The following MYRF variants were observed in gnomAD, a reference collection of about 807,000 sequenced individuals.
MYRF encodes myelin regulatory factor.
MYRF carries 16 observed loss-of-function variants against 126.3 expected under a neutral mutation model. The ratio of observed to expected loss-of-function variants is 0.13; its 90% confidence interval spans 0.09 to 0.19. The LOEUF (loss-of-function observed/expected upper bound fraction) is 0.19. Among genes scored for constraint, MYRF ranks in the 10% least tolerant of loss-of-function variants. The probability of loss-of-function intolerance (pLI) is 1.00; values close to 1 mark genes in which losing one functional copy is unlikely to be tolerated. For synonymous variants in MYRF, 608 were observed against 635.3 expected (o/e 0.96, Z 0.65); for missense variants, 1,104 against 1,547.0 (o/e 0.71, Z 4.80).
chr11:61,769,154 G>T (rs1418233880), intron 3 of MYRF, 106 bp from the exon 4 acceptor site: 2 of 665,390 alleles, frequency 3.0e-6, no homozygotes, highest in South Asian at 1.8e-5. Flanking sequence ...CCTCAGTGTC[G>T]CCAGCTTCTG....
At chr11:61,770,567 G>A (rs752924626) in intron 5 of MYRF, 42 bp downstream of exon 5, 22 of 1,464,678 alleles carry the variant, frequency 1.5e-5, no homozygotes, top group Non-Finnish European at 2.0e-5. Context: ...GGAAGGTGGG[G>A]TACAGGGACC....
chr11:61,764,867 T>C (rs1191484974), intron 1 of MYRF, among the ~76,000 whole-genome samples: 1 of 152,194 alleles, frequency 6.6e-6, no homozygotes, highest in Non-Finnish European at 1.5e-5. Flanking sequence ...CTGGCGGCCA[T>C]CATTCCCTGC....
At chr11:61,773,146 C>T (rs1249461416) in intron 7 of MYRF, among the ~76,000 whole-genome samples, 1 of 152,108 alleles carries the variant, frequency 6.6e-6, no homozygotes, top group Non-Finnish European at 1.5e-5. Context: ...GCTGGGACTA[C>T]AGGCGGCTGA....
chr11:61,770,133 C>A, intron 4 of MYRF, 113 bp from the exon 5 acceptor site: 1 of 1,130,004 alleles, frequency 8.8e-7, no homozygotes, highest in Non-Finnish European at 1.2e-6. Context: ...GGGGCAGCCC[C>A]CGGGCTTGGC....
At chr11:61,780,626 C>A in intron 18 of MYRF, 86 bp from the exon 19 acceptor site, 1 of 1,364,182 alleles carries the variant, frequency 7.3e-7, no homozygotes, top group Non-Finnish European at 1.0e-6. Context: ...CACTGTCACC[C>A]CCAGCTCCTG....
In MYRF at chr11:61,779,943, C is replaced by G. The variant is rs758737906; in HGVS notation, c.2336+13C>G. The G allele has an allele frequency of 6.2e-7, 1 of 1,611,076 alleles. No homozygotes were observed. The highest frequency in any genetic ancestry group is 1.7e-5 in the Admixed American group (1 of 59,744). ...TCATGGCCTTCAGGTGACTTGTCCC[C>G]TGGGCTCTCATGGTGGCTGACTAGG... On this transcript the variant is annotated intron_variant, in intron 17 of 26. Transcript: ENST00000278836.
Position 61,780,984 on chromosome 11 carries a change from G to A in MYRF, c.2511G>A (p.Thr837=), listed in dbSNP as rs1304773976. 13 of 1,609,892 alleles carry A rather than the reference G, an allele frequency of 8.1e-6. No homozygotes were observed. The highest frequency in any genetic ancestry group is 1.7e-5 in the Admixed American group (1 of 60,000). Residue 837 remains threonine (T), a synonymous_variant, in exon 20 of 27, where the codon ACG becomes ACA. Coordinates refer to ENST00000278836, the MANE Select transcript of MYRF (RefSeq NM_001127392.3). ...GGTCCAGCCAGAGCTTTGGGACCAC[G>A]CAGCTCCGACAGTCCCCCTTGACCA... The part of the protein sequence containing the change: ...CPWSSQSFGT[T]QLRQSPLTTG...
chr11:61,773,979 C>G lies in MYRF; in HGVS notation c.1128C>G (p.Thr376=), dbSNP rs766952621. The change falls in exon 8 of 27, where the codon ACC becomes ACG. Residue 376 remains threonine, a synonymous_variant. Coordinates refer to ENST00000278836, the MANE Select transcript of MYRF (RefSeq NM_001127392.3). ...CCCGCCCCCCCAGGCCCATGCTCAC[C>G]TACCGCGTGGATGCGGACAAGGGCT... ...DANYKELPML[T]YRVDADKGFN... 4.3e-5 allele frequency: 69 copies of G among 1,611,924 alleles called. No individual in the cohort carries two copies. The Admixed American group carries it at 4.7e-4, about 11-fold the overall frequency.
At position 61,757,952 on chromosome 11, in the gene MYRF, G is replaced by T. The variant is rs1233286831; in HGVS notation, c.46+5162G>T. Among the ~76,000 whole-genome samples, 1 of 152,172 alleles carries T rather than the reference G, an allele frequency of 6.6e-6. No individual in the cohort carries two copies. The highest frequency in any genetic ancestry group is 1.5e-5 in the Non-Finnish European group (1 of 68,022). On this transcript the variant is annotated intron_variant, in intron 1 of 26. Transcript: ENST00000278836. This position sits in a 1 kb window ranked among gnomAD's most constrained non-coding sequence, Gnocchi z 4.7. ...GGCCTCTCCTCCTGACATGCTGAGGGGTGGCTCCAGCACGGGTGGCCACGC... is the reference window on the plus strand; with the variant it reads ...GGCCTCTCCTCCTGACATGCTGAGGTGTGGCTCCAGCACGGGTGGCCACGC...
intron 7 of MYRF, 54 bp from the exon 8 acceptor site, chr11:61,773,913 T>G: frequency 1.3e-6 from 2 of 1,491,636 alleles, no homozygotes; most frequent in South Asian, 1.2e-5. Flanking sequence ...GAGGAACCGA[T>G]GTTCCAGGCC....
rs866021397 is a variant in MYRF at position 61,757,195 on chromosome 11, C to T, written c.46+4405C>T. 2.8e-5 allele frequency: 13 copies of T among 456,630 alleles called. No homozygotes were observed. The highest frequency in any genetic ancestry group is 6.5e-4 in the Middle Eastern group (2 of 3,098). The allele number at this position is 456,630 out of a possible 1,614,324, so 28.3% of individuals were successfully genotyped here. On this transcript the variant is annotated intron_variant, in intron 1 of 26. Coordinates refer to ENST00000278836, the MANE Select transcript of MYRF (RefSeq NM_001127392.3). This position sits in a 1 kb window ranked among gnomAD's most constrained non-coding sequence, Gnocchi z 4.7. ...TCTCCTATCTCCAGGCCTTCAGCCC[C>T]GGCTGCCACGGGGTGTGGGTACCTC...
rs1452217668 is a variant in MYRF at position 61,769,281 on chromosome 11, A to C, written c.420A>C (p.Pro140=). The change falls in exon 4 of 27, where the codon CCA becomes CCC. Residue 140 remains proline (P), a synonymous_variant. Coordinates refer to ENST00000278836, the MANE Select transcript of MYRF (RefSeq NM_001127392.3). ...GCAGCACACTGCCGGACTCTCCCCC[A>C]GACTCGGGCTCCGAGGCCTACTCCC... The part of the protein sequence containing the change: ...YAPGTLPDSP[P]DSGSEAYSPQ... The C allele has an allele frequency of 6.2e-7, 1 of 1,608,316 alleles. No individual in the cohort carries two copies. The highest frequency in any genetic ancestry group is 1.3e-5 in the African/African-American group (1 of 74,808).
At position 61,776,019 on chromosome 11, in the gene MYRF, C is replaced by T. The variant is rs1326318821; in HGVS notation, c.1312-37C>T. The T allele has an allele frequency of 6.2e-7, 1 of 1,604,356 alleles. No homozygotes were observed. Among genetic ancestry groups the T allele is most frequent in the Non-Finnish European group, 8.5e-7 (1 of 1,171,484 alleles). ...CAGGAGGGCAGGACCAGCCGGGTAG[C>T]CCCATCCTGAGGTGCCACTGGCTTC... On this transcript the variant is annotated intron_variant, in intron 8 of 26. Coordinates refer to ENST00000278836, the MANE Select transcript of MYRF (RefSeq NM_001127392.3). This position sits in a 1 kb window ranked among gnomAD's most constrained non-coding sequence, Gnocchi z 4.3.
intron 3 of MYRF, chr11:61,768,764 A>G (rs2066130536): frequency 6.5e-6 from 1 of 153,470 alleles, no homozygotes; most frequent in Admixed American, 6.5e-5. Flanking sequence ...AACACTGATA[A>G]AAGTGAAACC....
Position 61,757,279 on chromosome 11 carries a change from G to T in MYRF, c.46+4489G>T, listed in dbSNP as rs1008261219. The T allele has an allele frequency of 2.2e-6, 1 of 456,676 alleles. No homozygotes were observed. Among genetic ancestry groups the T allele is most frequent in the Non-Finnish European group, 4.4e-6 (1 of 226,954 alleles). 28.3% of individuals were successfully genotyped at this position (456,676 alleles called of 1,614,324 possible). ...TTCTGTGCATTCGCCAGCGAGGGCA[G>T]CTGGGGTCTGTTCCTAGCTCTCCTG... is the stretch of plus-strand genomic sequence containing the variant. On this transcript the variant is annotated intron_variant, in intron 1 of 26. Coordinates refer to ENST00000278836, the MANE Select transcript of MYRF (RefSeq NM_001127392.3). This position sits in a 1 kb window ranked among gnomAD's most constrained non-coding sequence, Gnocchi z 4.7.
In MYRF at chr11:61,777,484, G is replaced by A. The variant is rs1176492895; in HGVS notation, c.1791+20G>A. ...CAGGAGGTGGGGACAGGGCTGTGGG[G>A]GCCGGGCGGGTCCAGACGCTGGAGC... On this transcript the variant is annotated intron_variant, in intron 12 of 26. Transcript: ENST00000278836. This position sits in a 1 kb window ranked among gnomAD's most constrained non-coding sequence, Gnocchi z 8.8. The A allele has an allele frequency of 2.5e-6, 4 of 1,580,676 alleles. No homozygotes were observed. Among genetic ancestry groups the A allele is most frequent in the Non-Finnish European group, 3.4e-6 (4 of 1,163,386 alleles).
intron 25 of MYRF, chr11:61,784,862 G>C: frequency 6.4e-6 from 1 of 155,904 alleles, no homozygotes; most frequent in South Asian, 2.0e-4. Flanking sequence ...TCCCTGGCCA[G>C]GTAACCGGAA....
In MYRF at chr11:61,771,682, G is replaced by T. The variant is rs1226685940; in HGVS notation, c.923G>T (p.Gly308Val). 6.2e-7 allele frequency: 1 copy of T among 1,613,744 alleles called. No homozygotes were observed. The highest frequency in any genetic ancestry group is 8.5e-7 in the Non-Finnish European group (1 of 1,180,006). ...CAGGGTCCGCTCTCCCCGGGCCCTG[G>T]TTCCTTGCCTCTCAGCATTGCCCGT... is the stretch of plus-strand genomic sequence containing the variant. ...PPQGPLSPGP[G>V]SLPLSIARVQ... is the part of the protein sequence containing the mutation. Residue 308 changes from glycine (G) to valine (V), a missense_variant, in exon 6 of 27, where the codon GGT becomes GTT. Transcript: ENST00000278836.
intron 24 of MYRF, 26 bp from the exon 25 acceptor site, chr11:61,784,254 T>A: frequency 6.2e-7 from 1 of 1,608,040 alleles, no homozygotes; most frequent in Non-Finnish European, 8.5e-7. Flanking sequence ...GAACCTCATT[T>A]CTCTGCTAAC....
Sources: allele counts gnomAD v4.1 joint callset (sites outside exome capture counted in the v4.1 genomes callset), GRCh38; gene constraint gnomAD v4.1.1; non-coding constraint Gnocchi (gnomAD v3.1); transcripts MANE v1.5; gene names NCBI Gene and HGNC (gene_info 2026-07-23, HGNC 2026-07-21).